Variants in MPND observed in about 807,000 individuals in gnomAD.
MPND encodes MPN domain-containing protein.
A neutral mutation model predicts 59.2 loss-of-function variants in MPND; 56 were observed. The observed-to-expected ratio is 0.95, with a 90% CI of 0.76 to 1.18. The LOEUF (loss-of-function observed/expected upper bound fraction) is 1.18. MPND is among the 50% of genes most tolerant of loss of function. MPND has a pLI of 0.00. For missense variants in MPND, 671 were observed against 676.0 expected (o/e 0.99, Z 0.08); for synonymous variants, 323 against 291.9 (o/e 1.11, Z -1.09).
chr19:4,357,047 G>T (rs896903478), intron 8 of MPND: 4 of 445,684 alleles, frequency 9.0e-6, no homozygotes, highest in Non-Finnish European at 1.2e-5. Context: ...GTGGCAGGGT[G>T]CATCTTTTAT....
At chr19:4,351,711 A>C (rs958477637) in intron 3 of MPND, among the ~76,000 whole-genome samples, 3 of 151,774 alleles carry the variant, frequency 2.0e-5, no homozygotes, top group African/African-American at 4.8e-5. Flanking sequence ...AAATACAAAA[A>C]ATTAGCTGGG....
At chr19:4,343,624 A>G (rs1328569222) in intron 1 of MPND, 24 bp downstream of exon 1, 1 of 822,448 alleles carries the variant, frequency 1.2e-6, no homozygotes, top group Non-Finnish European at 1.5e-6. Context: ...AGCGGGGCGG[A>G]GGCGCGGGGC....
At chr19:4,352,840 G>C (rs560188971) in intron 3 of MPND, 57 bp from the exon 4 acceptor site, 84 of 1,292,836 alleles carry the variant, frequency 6.5e-5, no homozygotes, top group Non-Finnish European at 8.0e-5. Flanking sequence ...TTAGCAGGGA[G>C]CGGGGGGGCA....
chr19:4,350,089 G>T (rs148320883), intron 3 of MPND, among the ~76,000 whole-genome samples: 2 of 151,916 alleles, frequency 1.3e-5, no homozygotes, highest in African/African-American at 2.4e-5. Flanking sequence ...GTGGTTGGGG[G>T]GGCTTCACTG....
chr19:4,349,436 G>C (rs1972264370), intron 3 of MPND, among the ~76,000 whole-genome samples: 1 of 152,184 alleles, frequency 6.6e-6, no homozygotes, highest in Non-Finnish European at 1.5e-5. Flanking sequence ...GAGAAGGCGA[G>C]TGGGAGGGAT....
At position 4,355,187 on chromosome 19, in the gene MPND, T is replaced by C. The variant is rs1481027780; in HGVS notation, c.996+14T>C. The C allele has an allele frequency of 1.2e-6, 2 of 1,612,046 alleles. No individual in the cohort carries two copies. The highest frequency in any genetic ancestry group is 2.1e-4 in the Middle Eastern group (1 of 4,760). On this transcript the variant is annotated intron_variant, in intron 8 of 12. Transcript: ENST00000599840. Reference sequence around the variant, plus strand: ...ATCGAAGAGGAGGTGAGGGGCTACCTGGGAGGTGGCATTCTGGGGAGGGTT... The same window carrying C: ...ATCGAAGAGGAGGTGAGGGGCTACCCGGGAGGTGGCATTCTGGGGAGGGTT...
intron 3 of MPND, among the ~76,000 whole-genome samples, chr19:4,349,364 C>T (rs879490940): frequency 1.3e-5 from 2 of 152,094 alleles, no homozygotes; most frequent in Admixed American, 6.6e-5. Flanking sequence ...GCATGAGCCA[C>T]CGCAGCCAGT....
intron 3 of MPND, among the ~76,000 whole-genome samples, chr19:4,346,286 G>T (rs1972184531): frequency 6.6e-6 from 1 of 152,194 alleles, no homozygotes; most frequent in Non-Finnish European, 1.5e-5. Flanking sequence ...GGTGTCATGG[G>T]TGGCTGAGGG....
At chr19:4,359,045 T>G in intron 11 of MPND, 118 bp from the exon 12 acceptor site, 2 of 652,710 alleles carry the variant, frequency 3.1e-6, no homozygotes, top group Non-Finnish European at 2.8e-6. Context: ...TCTTTGTGGT[T>G]GGTTTGTTAG....
At chr19:4,354,017 G>A in intron 4 of MPND, 28 bp from the exon 5 acceptor site, 1 of 1,602,712 alleles carries the variant, frequency 6.2e-7, no homozygotes, top group Non-Finnish European at 8.5e-7. Flanking sequence ...GGCTGGGGAG[G>A]GACTGACCCT....
chr19:4,352,842 G>A (rs540006619), intron 3 of MPND, 55 bp from the exon 4 acceptor site: 15 of 1,299,046 alleles, frequency 1.2e-5, no homozygotes, highest in Admixed American at 6.6e-5. Context: ...AGCAGGGAGC[G>A]GGGGGGCACC....
chr19:4,350,672 A>G (rs1176996962), intron 3 of MPND, among the ~76,000 whole-genome samples: 1 of 152,146 alleles, frequency 6.6e-6, no homozygotes, highest in Non-Finnish European at 1.5e-5. Context: ...TGGGAAGGGC[A>G]GATCTGGGGG....
chr19:4,352,262 A>G (rs529610547), intron 3 of MPND, among the ~76,000 whole-genome samples: 110 of 152,344 alleles, frequency 7.2e-4, no homozygotes, highest in African/African-American at 2.4e-3. Flanking sequence ...AATTTTTGCA[A>G]TCAGACCTTG....
rs942369539 is a variant in MPND, at chr19:4,359,043, G to A, written c.1327-120G>A. ...TAAGGTCACTCGTGATCTCTTTGTG[G>A]TTGGTTTGTTAGTGATGGGGTCATG... On this transcript the variant is annotated intron_variant, in intron 11 of 12. Transcript: ENST00000599840. 2.3e-5 allele frequency: 15 copies of A among 666,068 alleles called. No homozygotes were observed. The Middle Eastern group carries it at 3.2e-3, about 142-fold the overall frequency. 41.3% of individuals were successfully genotyped at this position (666,068 alleles called of 1,614,324 possible). A position where few individuals can be genotyped will look rare whatever the true frequency, so the allele number is the denominator to read the frequency against.
chr19:4,352,355 G>A (rs1055615735), intron 3 of MPND, among the ~76,000 whole-genome samples: 1 of 152,214 alleles, frequency 6.6e-6, no homozygotes, highest in African/African-American at 2.4e-5. Flanking sequence ...AAATGGCAAT[G>A]GTGCTCACCA....
chr19:4,347,804 C>G, intron 3 of MPND: 1 of 402,762 alleles, frequency 2.5e-6, no homozygotes, highest in Non-Finnish European at 4.8e-6. Context: ...ACATGATCCT[C>G]CTTAGTCAGT....
chr19:4,357,334 C>T lies in MPND; in HGVS notation c.1078C>T (p.Leu360=). The change falls in exon 9 of 13, where the codon CTG becomes TTG. Residue 360 remains leucine (L), a synonymous_variant. Transcript: ENST00000599840. Reference sequence around the variant, plus strand: ...CCCACACAGCCCGGCGCTGCCATCTCTGCAGGACATCGACGCACAGATGGA... The same window carrying T: ...CCCACACAGCCCGGCGCTGCCATCTTTGCAGGACATCGACGCACAGATGGA... ...SHPHSPALPS[L]QDIDAQMDYQ... is the part of the protein sequence containing the mutation. The T allele has an allele frequency of 6.2e-7, 1 of 1,613,294 alleles. No homozygotes were observed. The highest frequency in any genetic ancestry group is 1.7e-4 in the Middle Eastern group (1 of 6,060).
At chr19:4,357,155 T>C in intron 8 of MPND, 98 bp from the exon 9 acceptor site, 1 of 1,358,330 alleles carries the variant, frequency 7.4e-7, no homozygotes, top group Non-Finnish European at 9.8e-7. Flanking sequence ...TCCCCAGGCC[T>C]GATACACAGC....
chr19:4,359,668 G>A (rs1267035209), intron 12 of MPND, among the ~76,000 whole-genome samples: 1 of 152,214 alleles, frequency 6.6e-6, no homozygotes, highest in African/African-American at 2.4e-5. Context: ...AGGGGCTGAA[G>A]TGGGGGCAGG....
Sources: allele counts gnomAD v4.1 joint callset (sites outside exome capture counted in the v4.1 genomes callset), GRCh38; gene constraint gnomAD v4.1.1; transcripts MANE v1.5; gene names NCBI Gene and HGNC (gene_info 2026-07-23, HGNC 2026-07-21).